The following LINGO2 variants were observed in gnomAD, a reference collection of about 807,000 sequenced individuals.
LINGO2 encodes the protein leucine rich repeat and Ig domain containing 2.
In LINGO2, 14 loss-of-function variants were observed where a neutral mutation model predicts 30.6. The ratio of observed to expected loss-of-function variants is 0.46; its 90% CI spans 0.30 to 0.72. The LOEUF is 0.72. Among genes scored for constraint, LINGO2 ranks in the 30% least tolerant of loss-of-function variants. The pLI is 0.07. For synonymous variants in LINGO2, 317 were observed against 288.5 expected, an observed-to-expected ratio of 1.10 and a Z score of -1.00; for missense variants, 729 against 751.7, an observed-to-expected ratio of 0.97 and a Z score of 0.35.
At chr9:28,446,921 G>A (rs1045206164) in intron 2 of LINGO2, among the ~76,000 whole-genome samples, 1 of 152,168 alleles carries the variant, frequency 6.6e-6, no homozygotes, top group African/African-American at 2.4e-5. Flanking sequence ...CTGCCCTGCA[G>A]TCACACTGGA....
At chr9:29,030,742 T>C in the LINGO2 span, among the ~76,000 whole-genome samples, 1 of 152,300 alleles carries the variant, frequency 6.6e-6, no homozygotes, top group South Asian at 2.1e-4. Context: ...AAGATTTTTT[T>C]CCTCTGTGAT....
At chr9:28,192,325 C>T (rs946497261) in intron 4 of LINGO2, among the ~76,000 whole-genome samples, 1 of 151,848 alleles carries the variant, frequency 6.6e-6, no homozygotes, top group Non-Finnish European at 1.5e-5. Context: ...TATTTTTCAA[C>T]TGCATAAAAT....
chr9:28,375,448 G>C (rs913281095), intron 2 of LINGO2, among the ~76,000 whole-genome samples: 5 of 152,152 alleles, frequency 3.3e-5, no homozygotes, highest in African/African-American at 9.6e-5. Context: ...AAGATCTGAG[G>C]GCCTACAGAG....
chr9:28,469,121 G>C (rs990246419), intron 2 of LINGO2, among the ~76,000 whole-genome samples: 2 of 151,908 alleles, frequency 1.3e-5, no homozygotes, highest in Admixed American at 1.3e-4. Flanking sequence ...TCATAAAAAA[G>C]AACCAAACAT....
chr9:28,216,963 T>C (rs1200957964), intron 4 of LINGO2, among the ~76,000 whole-genome samples: 2 of 151,812 alleles, frequency 1.3e-5, no homozygotes, highest in Admixed American at 1.3e-4. Flanking sequence ...CTTCACATTA[T>C]ATAAACTAAA....
At chr9:28,513,081 TCATACACACACACA>T (rs1262745343) in intron 1 of LINGO2, among the ~76,000 whole-genome samples, 1 of 102,728 alleles carries the variant, frequency 9.7e-6, no homozygotes, top group Non-Finnish European at 1.8e-5. Context: ...GTATTAACCA[TCATACACACACACA>T]CACACACACA....
At chr9:29,034,313 A>G in the LINGO2 span, among the ~76,000 whole-genome samples, 1 of 152,166 alleles carries the variant, frequency 6.6e-6, no homozygotes, top group Non-Finnish European at 1.5e-5. Flanking sequence ...TATTGAATAC[A>G]TAGCATGATA....
At chr9:28,591,579 C>T (rs1186358128) in intron 1 of LINGO2, among the ~76,000 whole-genome samples, 1 of 151,890 alleles carries the variant, frequency 6.6e-6, no homozygotes, top group Non-Finnish European at 1.5e-5. Context: ...TGTTAGGCAC[C>T]TTTTATGCAA....
At chr9:28,863,654 A>G in the LINGO2 span, 1 of 532,870 alleles carries the variant, frequency 1.9e-6, no homozygotes, top group Non-Finnish European at 3.9e-6. Flanking sequence ...TTTGTAAACC[A>G]CCACCACATT....
At chr9:29,125,813 T>C in the LINGO2 span, among the ~76,000 whole-genome samples, 1 of 152,120 alleles carries the variant, frequency 6.6e-6, no homozygotes, top group Admixed American at 6.6e-5. Flanking sequence ...TGGTTTGTTT[T>C]AGAACTAGTA....
the LINGO2 span, among the ~76,000 whole-genome samples, chr9:29,129,699 G>A: frequency 2.0e-5 from 3 of 152,094 alleles, no homozygotes; most frequent in South Asian, 6.2e-4. Flanking sequence ...GTCAAATTAT[G>A]GACTTTAAAA....
At chr9:28,450,390 A>G (rs758429840) in intron 2 of LINGO2, among the ~76,000 whole-genome samples, 2 of 152,106 alleles carry the variant, frequency 1.3e-5, no homozygotes, top group African/African-American at 4.8e-5. Flanking sequence ...TCACAGTTTT[A>G]AAGATAGTGA....
At chr9:28,407,922 G>A (rs1467236320) in intron 2 of LINGO2, among the ~76,000 whole-genome samples, 1 of 152,068 alleles carries the variant, frequency 6.6e-6, no homozygotes, top group African/African-American at 2.4e-5. Flanking sequence ...GTAAAACAAT[G>A]TGCATTTGAA....
intron 4 of LINGO2, among the ~76,000 whole-genome samples, chr9:28,136,499 A>C (rs879614144): frequency 2.6e-5 from 4 of 152,230 alleles, no homozygotes; most frequent in Non-Finnish European, 4.4e-5. Context: ...TCTGCCTAGC[A>C]GGGATGCTCA....
chr9:28,835,658 C>A, the LINGO2 span, among the ~76,000 whole-genome samples: 1 of 152,310 alleles, frequency 6.6e-6, no homozygotes, highest in South Asian at 2.1e-4. Context: ...ATCAACTGAA[C>A]AAGCAAGTCC....
At chr9:28,860,768 A>C in the LINGO2 span, among the ~76,000 whole-genome samples, 4 of 149,414 alleles carry the variant, frequency 2.7e-5, no homozygotes, top group Non-Finnish European at 4.4e-5. Flanking sequence ...AGATATAGTC[A>C]ATGATGATGC....
At chr9:28,463,034 A>G (rs1169415713) in intron 2 of LINGO2, among the ~76,000 whole-genome samples, 1 of 152,018 alleles carries the variant, frequency 6.6e-6, no homozygotes, top group African/African-American at 2.4e-5. Flanking sequence ...GATGACATTT[A>G]GTTTCTGGTT....
At chr9:28,448,017 C>G (rs1824496922) in intron 2 of LINGO2, among the ~76,000 whole-genome samples, 1 of 151,974 alleles carries the variant, frequency 6.6e-6, no homozygotes, top group Non-Finnish European at 1.5e-5. Context: ...CCTTGTACCA[C>G]TCAGTTTTAT....
the LINGO2 span, among the ~76,000 whole-genome samples, chr9:28,715,234 C>T: frequency 3.9e-5 from 6 of 152,144 alleles, no homozygotes; most frequent in Non-Finnish European, 8.8e-5. Context: ...AATGAGCAGA[C>T]TGTTCACACA....
Sources: gnomAD v4.1 joint callset for allele counts (sites outside exome capture counted in the v4.1 genomes callset) on GRCh38, gnomAD v4.1.1 for gene constraint, MANE v1.5 for transcripts, NCBI Gene and HGNC (gene_info 2026-07-23, HGNC 2026-07-21) for gene names.